Variants in VPS8 observed in about 807,000 individuals in gnomAD.
The protein encoded by VPS8 is vacuolar protein sorting-associated protein 8 homolog.
A neutral mutation model predicts 216.4 loss-of-function variants in VPS8; 129 were observed. That is an observed-to-expected ratio of 0.60 (90% confidence interval 0.52 to 0.69). The LOEUF (loss-of-function observed/expected upper bound fraction) is 0.69. Among genes scored for constraint, VPS8 ranks in the 30% least tolerant of loss-of-function variants. The pLI, the probability that VPS8 is intolerant of heterozygous loss-of-function variation, is 0.00. For synonymous variants in VPS8, 571 were observed against 565.4 expected (o/e 1.01, Z -0.14); for missense variants, 1,531 against 1,683.5 (o/e 0.91, Z 1.59).
At chr3:184,893,358 A>G (rs544189612) in intron 22 of VPS8, 2 of 1,231,774 alleles carry the variant, frequency 1.6e-6, no homozygotes, top group Non-Finnish European at 1.1e-6. Context: ...TACAATTGAC[A>G]TGATATACAT....
chr3:185,011,769 G>A (rs1314954613), intron 45 of VPS8, among the ~76,000 whole-genome samples: 2 of 152,316 alleles, frequency 1.3e-5, no homozygotes, highest in East Asian at 1.9e-4. Flanking sequence ...ACTATCATAG[G>A]ATCAGTAGGA....
chr3:184,830,482 A>AC (rs1719756815), intron 3 of VPS8, among the ~76,000 whole-genome samples: 1 of 151,872 alleles, frequency 6.6e-6, no homozygotes, highest in Non-Finnish European at 1.5e-5. Flanking sequence ...ACACACACAC[A>AC]AATCAGCTGA....
At chr3:184,844,879 G>A (rs1224787640) in intron 8 of VPS8, among the ~76,000 whole-genome samples, 1 of 152,136 alleles carries the variant, frequency 6.6e-6, no homozygotes, top group Non-Finnish European at 1.5e-5. Context: ...GTAATTCCTT[G>A]CATTTGTGCC....
At chr3:185,042,989 C>T (rs1712028493) in intron 46 of VPS8, among the ~76,000 whole-genome samples, 1 of 152,140 alleles carries the variant, frequency 6.6e-6, no homozygotes, top group South Asian at 2.1e-4. Flanking sequence ...ACAGAAGATA[C>T]TTAGGTTCCC....
chr3:184,971,737 C>A lies in VPS8; in HGVS notation c.3405C>A (p.Asn1135Lys). 6.2e-7 allele frequency: 1 copy of A among 1,612,752 alleles called. No homozygotes were observed. Among genetic ancestry groups the A allele is most frequent in the Non-Finnish European group, 8.5e-7 (1 of 1,179,206 alleles). Reference protein sequence around the residue: ...ALCQRNSHNLNQQQREALWFP... With the variant: ...ALCQRNSHNLKQQQREALWFP... ...GCCAGAGAAATTCACATAATTTGAA[C>A]CAGCAGCAACGTGAGGTAGGAGAAT... The change falls in exon 40 of 48, where the codon AAC becomes AAA. Residue 1135 changes from asparagine (N) to lysine (K), a missense_variant. Asn to Lys is a moderately conservative substitution (Grantham distance 94). Coordinates refer to ENST00000625842, the MANE Select transcript of VPS8 (RefSeq NM_001009921.3).
chr3:184,982,733 TTTCCAATAGCATATTC>T, intron 41 of VPS8, 86 bp downstream of exon 41: 1 of 1,107,028 alleles, frequency 9.0e-7, no homozygotes, highest in Non-Finnish European at 1.3e-6. Flanking sequence ...ATAATATCTT[TTTCCAATAGCATATTC>T]TTATGATTTT....
intron 36 of VPS8, among the ~76,000 whole-genome samples, chr3:184,948,673 G>A (rs780153799): frequency 2.0e-5 from 3 of 152,042 alleles, no homozygotes; most frequent in Non-Finnish European, 4.4e-5. Flanking sequence ...GAGGTTCCTG[G>A]GCCTGTCAGA....
At chr3:184,836,494 C>T (rs921313477) in intron 5 of VPS8, among the ~76,000 whole-genome samples, 3 of 152,162 alleles carry the variant, frequency 2.0e-5, no homozygotes, top group Non-Finnish European at 4.4e-5. Flanking sequence ...TTCTCCTTCC[C>T]CTTGAAGAGG....
intron 21 of VPS8, among the ~76,000 whole-genome samples, chr3:184,885,265 T>A (rs1730996241): frequency 6.6e-6 from 1 of 152,152 alleles, no homozygotes; most frequent in South Asian, 2.1e-4. Context: ...GCCCAGAACA[T>A]AACCCTTCCA....
chr3:184,906,069 G>GT (rs1330134416), intron 25 of VPS8, among the ~76,000 whole-genome samples: 32 of 151,658 alleles, frequency 2.1e-4, no homozygotes, highest in South Asian at 1.3e-3. Context: ...TTGTTTTTGT[G>GT]TTTTTTTTAA....
chr3:184,996,467 C>A lies in VPS8; in HGVS notation c.3802C>A (p.Arg1268Ser), dbSNP rs200270246. The change falls in exon 44 of 48, where the codon CGC becomes AGC. Residue 1268 changes from arginine (R) to serine (S), a missense_variant. By Grantham distance (110) the Arg-to-Ser change is moderately radical. Transcript: ENST00000625842. The stretch of plus-strand genomic sequence containing the variant: ...TATATGTTTGCAGCAGTACAAGAGA[C>A]GCCAAGAAATGGCTGATGAAATAAT... ...CSICLQQYKR[R>S]QEMADEIIVF... 6 of 1,606,134 alleles carry A rather than the reference C, an allele frequency of 3.7e-6. No homozygotes were observed. Among genetic ancestry groups the A allele is most frequent in the Non-Finnish European group, 5.1e-6 (6 of 1,177,220 alleles).
chr3:185,003,116 T>TTTTTTA (rs71632040), intron 45 of VPS8, among the ~76,000 whole-genome samples: 13 of 143,798 alleles, frequency 9.0e-5, no homozygotes, highest in East Asian at 6.0e-4. Flanking sequence ...CATCTAATAT[T>TTTTTTA]TTTTTATTTT....
chr3:184,954,931 T>C (rs539149744), intron 36 of VPS8, among the ~76,000 whole-genome samples: 1 of 152,194 alleles, frequency 6.6e-6, no homozygotes, highest in Non-Finnish European at 1.5e-5. Context: ...TAATATAACC[T>C]AGGAATAACC....
chr3:184,939,557 T>A (rs1224641234), intron 35 of VPS8, among the ~76,000 whole-genome samples: 2 of 148,610 alleles, frequency 1.3e-5, no homozygotes, highest in Non-Finnish European at 3.0e-5. Context: ...CTGTCCTCTT[T>A]TTTTTTTTTT....
chr3:184,834,165 G>A (rs1038486536), intron 4 of VPS8, among the ~76,000 whole-genome samples: 2 of 152,188 alleles, frequency 1.3e-5, no homozygotes, highest in African/African-American at 4.8e-5. Context: ...AGGCAGTAGG[G>A]TAATGTAGAC....
At chr3:184,856,276 A>G (rs1396977973) in intron 14 of VPS8, among the ~76,000 whole-genome samples, 1 of 152,236 alleles carries the variant, frequency 6.6e-6, no homozygotes, top group Non-Finnish European at 1.5e-5. Context: ...GTTCATTATT[A>G]CTACAGAAAA....
At chr3:184,929,761 G>A in intron 33 of VPS8, 97 bp downstream of exon 33, 2 of 655,192 alleles carry the variant, frequency 3.1e-6, no homozygotes, top group Non-Finnish European at 4.9e-6. Context: ...GCATGTGTAT[G>A]AGCCAAATAC....
At chr3:185,019,245 G>A (rs1043383186) in intron 45 of VPS8, among the ~76,000 whole-genome samples, 8 of 152,008 alleles carry the variant, frequency 5.3e-5, no homozygotes, top group Non-Finnish European at 8.8e-5. Context: ...CCATCACTCC[G>A]GCGACCCTTC....
chr3:184,895,501 A>G (rs564070987), intron 23 of VPS8, among the ~76,000 whole-genome samples: 47 of 149,876 alleles, frequency 3.1e-4, no homozygotes, highest in Non-Finnish European at 5.2e-4. Flanking sequence ...AGTTATCTTA[A>G]TTGAGTTTCT....
Sources: allele counts gnomAD v4.1 joint callset (sites outside exome capture counted in the v4.1 genomes callset), GRCh38; gene constraint gnomAD v4.1.1; transcripts MANE v1.5; gene names NCBI Gene and HGNC (gene_info 2026-07-23, HGNC 2026-07-21).